The following SPAG16 variants were observed in gnomAD, a reference collection of about 807,000 sequenced individuals.
SPAG16 encodes the protein sperm associated antigen 16, also known as sperm-associated antigen 16 protein.
A neutral mutation model predicts 80.4 loss-of-function variants in SPAG16; 86 were observed. The observed-to-expected ratio is 1.07, with a 90% confidence interval of 0.90 to 1.28. The LOEUF (loss-of-function observed/expected upper bound fraction) is 1.28. Ranked by LOEUF, SPAG16 falls within the 50% of genes most tolerant of loss-of-function variation. The pLI, the probability that SPAG16 is intolerant of heterozygous loss-of-function variation, is 0.00. For synonymous variants in SPAG16, 294 were observed against 265.9 expected (o/e 1.11, Z -1.03); for missense variants, 870 against 765.3 (o/e 1.14, Z -1.61).
At chr2:213,945,198 G>T (rs2079388646) in intron 12 of SPAG16, among the ~76,000 whole-genome samples, 1 of 149,170 alleles carries the variant, frequency 6.7e-6, no homozygotes, top group South Asian at 2.1e-4. Flanking sequence ...ATCTTTTTAT[G>T]TATATATATG....
intron 3 of SPAG16, among the ~76,000 whole-genome samples, chr2:213,306,658 G>C (rs921970238): frequency 3.9e-5 from 6 of 151,952 alleles, no homozygotes; most frequent in Non-Finnish European, 7.4e-5. Flanking sequence ...CCTCTTGCTA[G>C]GGCTGGTTGA....
At chr2:213,480,791 G>A (rs10498008) in intron 9 of SPAG16, among the ~76,000 whole-genome samples, 14,657 of 152,202 alleles carry the variant, frequency 0.096, 1,840 homozygotes, top group African/African-American at 0.29. Context: ...GTGTTAAACA[G>A]AAGTTATAAT....
chr2:213,895,345 C>G (rs2076954610), intron 11 of SPAG16, among the ~76,000 whole-genome samples: 1 of 152,060 alleles, frequency 6.6e-6, no homozygotes, highest in Non-Finnish European at 1.5e-5. Flanking sequence ...CAATACTACC[C>G]AAAGTGATCT....
intron 15 of SPAG16, among the ~76,000 whole-genome samples, chr2:214,384,809 A>C (rs187718182): frequency 3.9e-5 from 6 of 152,322 alleles, no homozygotes; most frequent in Admixed American, 2.6e-4. Context: ...AACTAAAAGA[A>C]GTCATATGTA....
chr2:214,041,976 GTGTATA>G (rs2049040462), intron 13 of SPAG16, among the ~76,000 whole-genome samples: 4 of 88,274 alleles, frequency 4.5e-5, no homozygotes, highest in Non-Finnish European at 8.6e-5. Context: ...GTGTCTGTGT[GTGTATA>G]TATATATATA....
At chr2:213,765,387 CA>C (rs987938727) in intron 10 of SPAG16, among the ~76,000 whole-genome samples, 46 of 151,892 alleles carry the variant, frequency 3.0e-4, no homozygotes, top group Admixed American at 2.9e-3. Context: ...CAAAACAAAA[CA>C]AAAAAAGATT....
intron 13 of SPAG16, among the ~76,000 whole-genome samples, chr2:214,092,093 G>A (rs1559781868): frequency 6.6e-6 from 1 of 152,000 alleles, no homozygotes; most frequent in Non-Finnish European, 1.5e-5. Flanking sequence ...TGACTATATA[G>A]TAGGCAAAGG....
At chr2:214,310,862 T>C (rs1477256) in intron 15 of SPAG16, among the ~76,000 whole-genome samples, 151,859 of 152,252 alleles carry the variant, frequency 1, 75,735 homozygotes, top group Middle Eastern at 1. Context: ...CAGATGACTC[T>C]GCAGTTAGTT....
chr2:213,889,104 C>T (rs1042216451), intron 11 of SPAG16, among the ~76,000 whole-genome samples: 34 of 151,852 alleles, frequency 2.2e-4, no homozygotes, highest in African/African-American at 7.7e-4. Flanking sequence ...AGGTATATTT[C>T]CAAATCTTAA....
chr2:213,885,934 G>T (rs1253134825), intron 11 of SPAG16, among the ~76,000 whole-genome samples: 1 of 152,150 alleles, frequency 6.6e-6, no homozygotes, highest in Non-Finnish European at 1.5e-5. Context: ...TGACCTGGAA[G>T]TCTTCAGAAT....
At chr2:213,359,769 C>T (rs538476133) in intron 7 of SPAG16, among the ~76,000 whole-genome samples, 12 of 152,204 alleles carry the variant, frequency 7.9e-5, no homozygotes, top group Admixed American at 4.6e-4. Flanking sequence ...GCTTGCCCTC[C>T]GTGGGCTGCA....
At chr2:214,066,362 AC>A (rs1190037628) in intron 13 of SPAG16, among the ~76,000 whole-genome samples, 2 of 151,994 alleles carry the variant, frequency 1.3e-5, no homozygotes, top group Non-Finnish European at 2.9e-5. Flanking sequence ...ATCAGTCAAA[AC>A]CCTTCTCAAA....
chr2:214,256,555 C>T (rs1252041632), intron 15 of SPAG16, among the ~76,000 whole-genome samples: 1 of 137,240 alleles, frequency 7.3e-6, no homozygotes, highest in African/African-American at 2.7e-5. Flanking sequence ...ATTAACTTTT[C>T]TGTATGTTAT....
At chr2:213,732,722 C>A (rs2067105883) in intron 10 of SPAG16, among the ~76,000 whole-genome samples, 1 of 152,042 alleles carries the variant, frequency 6.6e-6, no homozygotes. Context: ...AATGTTTTTC[C>A]ATTTGCTTGT....
At chr2:213,400,667 T>C (rs1400727770) in intron 9 of SPAG16, among the ~76,000 whole-genome samples, 1 of 152,224 alleles carries the variant, frequency 6.6e-6, no homozygotes, top group African/African-American at 2.4e-5. Context: ...CCTGTACACC[T>C]AGATGTTACC....
At chr2:213,648,058 C>A (rs373465050) in intron 10 of SPAG16, among the ~76,000 whole-genome samples, 3 of 152,010 alleles carry the variant, frequency 2.0e-5, no homozygotes, top group African/African-American at 7.2e-5. Flanking sequence ...TAGGATTATC[C>A]GCTCAAAATT....
At chr2:214,272,043 C>T (rs970447810) in intron 15 of SPAG16, among the ~76,000 whole-genome samples, 2 of 152,020 alleles carry the variant, frequency 1.3e-5, no homozygotes, top group African/African-American at 4.8e-5. Flanking sequence ...ATATACAGTA[C>T]TATAATATTG....
chr2:214,375,336 A>T (rs962942537), intron 15 of SPAG16, among the ~76,000 whole-genome samples: 6 of 152,234 alleles, frequency 3.9e-5, no homozygotes, highest in African/African-American at 1.4e-4. Context: ...GTATTCTGGA[A>T]ACTTATTACA....
At chr2:213,691,281 C>T (rs2064934986) in intron 10 of SPAG16, among the ~76,000 whole-genome samples, 1 of 152,168 alleles carries the variant, frequency 6.6e-6, no homozygotes, top group Admixed American at 6.5e-5. Flanking sequence ...TAGAATGCAG[C>T]AGGTGTGACA....
Sources: gnomAD v4.1 joint callset for allele counts (sites outside exome capture counted in the v4.1 genomes callset) on GRCh38, gnomAD v4.1.1 for gene constraint, MANE v1.5 for transcripts, NCBI Gene and HGNC (gene_info 2026-07-23, HGNC 2026-07-21) for gene names.